Variants in LMNB1 observed in about 807,000 individuals in gnomAD.
The protein encoded by LMNB1 is lamin B1.
In LMNB1, 23 loss-of-function variants were observed where a neutral mutation model predicts 67.1. The observed-to-expected ratio is 0.34, with a 90% CI of 0.25 to 0.49. LMNB1 has a LOEUF of 0.49. Among genes scored for constraint, LMNB1 ranks in the 20% least tolerant of loss-of-function variants. The pLI is 0.99. For synonymous variants in LMNB1, 281 were observed against 282.9 expected (o/e 0.99, Z 0.07); for missense variants, 634 against 746.5 (o/e 0.85, Z 1.76).
chr5:126,805,639 G>A lies in LMNB1; in HGVS notation c.585G>A (p.Glu195=), dbSNP rs1751396706. 6.2e-7 allele frequency: 1 copy of A among 1,613,004 alleles called. No individual in the cohort carries two copies. The highest frequency in any genetic ancestry group is 8.5e-7 in the Non-Finnish European group (1 of 1,179,078). ...ADETLLKVDL[E]NRCQSLTEDL... is the part of the protein sequence containing the mutation. ...AAACTTTACTTAAAGTAGATTTGGA[G>A]AATCGTTGTCAGAGCCTTACTGAGG... Residue 195 remains glutamate, a synonymous_variant, in exon 3 of 11, where the codon GAG becomes GAA. Coordinates refer to ENST00000261366, the MANE Select transcript of LMNB1 (RefSeq NM_005573.4).
chr5:126,804,958 G>T (rs377227306), intron 2 of LMNB1, 26 bp downstream of exon 2: 2 of 1,594,714 alleles, frequency 1.3e-6, no homozygotes, highest in Non-Finnish European at 1.7e-6. Context: ...CTCTTGAGCC[G>T]TATGTGACAG....
intron 9 of LMNB1, among the ~76,000 whole-genome samples, chr5:126,830,703 T>G (rs1752111075): frequency 6.6e-6 from 1 of 152,202 alleles, no homozygotes; most frequent in Non-Finnish European, 1.5e-5. Flanking sequence ...TGTTTGCATA[T>G]GGGATGTATA....
At chr5:126,836,133 G>T in intron 10 of LMNB1, 90 bp from the exon 11 acceptor site, 2 of 886,592 alleles carry the variant, frequency 2.3e-6, no homozygotes, top group South Asian at 1.4e-5. Flanking sequence ...ATATGGTTTG[G>T]TATCCCTGTA....
intron 1 of LMNB1, among the ~76,000 whole-genome samples, chr5:126,782,707 G>A (rs1300944438): frequency 3.3e-5 from 5 of 151,442 alleles, no homozygotes; most frequent in South Asian, 2.1e-4. Flanking sequence ...CCGCCACCAC[G>A]CCCAGGTAAT....
chr5:126,833,778 A>G (rs1415767993), intron 10 of LMNB1, among the ~76,000 whole-genome samples: 1 of 152,226 alleles, frequency 6.6e-6, no homozygotes, highest in African/African-American at 2.4e-5. Flanking sequence ...AGCATGTCAG[A>G]TGCTAGAGGA....
intron 5 of LMNB1, among the ~76,000 whole-genome samples, chr5:126,814,041 A>G (rs1251306870): frequency 6.6e-6 from 1 of 152,088 alleles, no homozygotes; most frequent in Non-Finnish European, 1.5e-5. Flanking sequence ...GATTACCGGC[A>G]TGCACCACCA....
chr5:126,782,933 G>A lies in LMNB1; in HGVS notation c.359+5066G>A, dbSNP rs542401052. Among the ~76,000 whole-genome samples the A allele has an allele frequency of 8.1e-4, 123 of 152,096 alleles. 1 individual carries two copies. Among genetic ancestry groups the A allele is most frequent in the Non-Finnish European group, 1.1e-3 (78 of 67,982 alleles). On this transcript the variant is annotated intron_variant, in intron 1 of 10. Transcript: ENST00000261366. Reference sequence around the variant, plus strand: ...ACAAAAACCTTTGGCTGGGCGTGGTGGCTCACGCCTGTAATCCTAGCACTT... The same window carrying A: ...ACAAAAACCTTTGGCTGGGCGTGGTAGCTCACGCCTGTAATCCTAGCACTT...
intron 1 of LMNB1, among the ~76,000 whole-genome samples, chr5:126,791,086 T>C (rs991510620): frequency 8.5e-5 from 13 of 152,156 alleles, no homozygotes; most frequent in Non-Finnish European, 1.8e-4. Context: ...TCTTTAGTTT[T>C]CTAGCTTTCA....
Position 126,777,420 on chromosome 5 carries a change from G to C in LMNB1, c.-89G>C, listed in dbSNP as rs1175170388. ...ACGTGAGCGCAGGTCGCCGGTTTGT[G>C]CCTTCGGTCCCCGCTTCGCCCCCTG... On this transcript the variant is annotated 5_prime_UTR_variant, in exon 1 of 11. Coordinates refer to ENST00000261366, the MANE Select transcript of LMNB1 (RefSeq NM_005573.4). 3 of 1,245,084 alleles carry C rather than the reference G, an allele frequency of 2.4e-6. No homozygotes were observed. The highest frequency in any genetic ancestry group is 3.0e-6 in the Non-Finnish European group (3 of 995,312). 77.1% of individuals were successfully genotyped at this position (1,245,084 alleles called of 1,614,324 possible).
chr5:126,787,547 T>TATATATACA (rs869071732), intron 1 of LMNB1, among the ~76,000 whole-genome samples: 1 of 37,502 alleles, frequency 2.7e-5, no homozygotes, highest in African/African-American at 8.2e-5. Flanking sequence ...TATATATATA[T>TATATATACA]TTTTTTTTTT....
chr5:126,828,425 G>A (rs1033611170), intron 9 of LMNB1, among the ~76,000 whole-genome samples: 6 of 152,304 alleles, frequency 3.9e-5, no homozygotes, highest in South Asian at 2.1e-4. Context: ...CATGAACAAA[G>A]TAGTAGATAT....
In LMNB1 at chr5:126,826,000, A is replaced by T. The variant is rs368823823; in HGVS notation, c.1504A>T (p.Asn502Tyr). The change falls in exon 9 of 11, where the codon AAC becomes TAC. Residue 502 changes from asparagine (N) to tyrosine (Y), a missense_variant. By Grantham distance (143) the Asn-to-Tyr change is moderately radical (BLOSUM62 -2). Transcript: ENST00000261366. Reference protein sequence around the residue: ...AGQTVTIWAANAGVTASPPTD... With the variant: ...AGQTVTIWAAYAGVTASPPTD... ...TGGTTTTTTACAGATTTGGGCTGCAAACGCTGGTGTCACAGCCAGCCCCCC... is the reference window on the plus strand; with the variant it reads ...TGGTTTTTTACAGATTTGGGCTGCATACGCTGGTGTCACAGCCAGCCCCCC... 8.1e-6 allele frequency: 13 copies of T among 1,613,740 alleles called. No homozygotes were observed. Among genetic ancestry groups the T allele is most frequent in the Non-Finnish European group, 1.1e-5 (13 of 1,179,906 alleles).
At chr5:126,836,177 G>A (rs1374480177) in intron 10 of LMNB1, 46 bp from the exon 11 acceptor site, 6 of 1,427,080 alleles carry the variant, frequency 4.2e-6, no homozygotes, top group Non-Finnish European at 5.9e-6. Context: ...AGAATACTGT[G>A]ATCTATTTCT....
At chr5:126,818,613 AC>A (rs1751784609) in intron 5 of LMNB1, among the ~76,000 whole-genome samples, 1 of 152,208 alleles carries the variant, frequency 6.6e-6, no homozygotes, top group African/African-American at 2.4e-5. Flanking sequence ...AGGGAGCCAG[AC>A]TTGACTTTTA....
chr5:126,813,937 C>A (rs1482849795), intron 5 of LMNB1, among the ~76,000 whole-genome samples: 1 of 151,982 alleles, frequency 6.6e-6, no homozygotes, highest in Non-Finnish European at 1.5e-5. Context: ...TTCTTGTTGC[C>A]CAGGCTGTAG....
chr5:126,800,559 G>A (rs142190228), intron 1 of LMNB1, among the ~76,000 whole-genome samples: 1 of 151,680 alleles, frequency 6.6e-6, no homozygotes, highest in African/African-American at 2.4e-5. Context: ...ATTTCTTGGT[G>A]GTCAGAAGTT....
intron 1 of LMNB1, among the ~76,000 whole-genome samples, chr5:126,787,820 G>A (rs1413291763): frequency 6.6e-6 from 1 of 151,662 alleles, no homozygotes; most frequent in African/African-American, 2.4e-5. Flanking sequence ...CAAAGTGCTG[G>A]GATTACAGGT....
intron 1 of LMNB1, among the ~76,000 whole-genome samples, chr5:126,787,422 G>GTATA: frequency 9.2e-6 from 1 of 109,004 alleles, no homozygotes; most frequent in South Asian, 3.0e-4. Flanking sequence ...GTATGTGTGT[G>GTATA]TATATATACA....
At chr5:126,795,949 T>TTTTTTTTTTTA (rs1751079121) in intron 1 of LMNB1, among the ~76,000 whole-genome samples, 8 of 145,206 alleles carry the variant, frequency 5.5e-5, no homozygotes, top group African/African-American at 7.6e-5. Context: ...TTTTTTTTTT[T>TTTTTTTTTTTA]GAGACGGAGT....
Sources: allele counts gnomAD v4.1 joint callset (sites outside exome capture counted in the v4.1 genomes callset), GRCh38; gene constraint gnomAD v4.1.1; transcripts MANE v1.5; gene names NCBI Gene and HGNC (gene_info 2026-07-23, HGNC 2026-07-21).